Variants in CPNE1 observed in about 807,000 individuals in gnomAD.
The protein encoded by CPNE1 is copine 1.
CPNE1 carries 58 observed loss-of-function variants against 63.2 expected under a neutral mutation model. That is an observed-to-expected ratio of 0.92 (90% CI 0.74 to 1.14). The LOEUF (loss-of-function observed/expected upper bound fraction) is 1.14, where lower values mean the gene tolerates loss of function less well. Ranked by LOEUF, CPNE1 falls within the 50% of genes most tolerant of loss-of-function variation. The pLI is 0.00. For missense variants in CPNE1, 672 were observed against 661.7 expected (o/e 1.02, Z -0.17); for synonymous variants, 237 against 249.0 (o/e 0.95, Z 0.45).
At chr20:35,626,840 T>C in intron 14 of CPNE1, 37 bp from the exon 15 acceptor site, 1 of 1,548,002 alleles carries the variant, frequency 6.5e-7, no homozygotes, top group East Asian at 2.2e-5. Context: ...AAGCAGATCC[T>C]CCTCCTAAAC....
rs1568914566 is a variant in CPNE1, at chr20:35,632,918, G to A, written c.6C>T (p.Ala2=). The change falls in exon 2 of 16, where the codon GCC becomes GCT. Residue 2 remains alanine (A), a synonymous_variant. Transcript: ENST00000397443. M[A]HCVTLVQLSI... is the part of the protein sequence containing the mutation. ...ACAGCTGAACCAAGGTCACGCAGTG[G>A]GCCATCTGAGGGAAAAGGAGCTGGG... 1.1e-6 allele frequency: 1 copy of A among 871,700 alleles called. No individual in the cohort carries two copies. The highest frequency in any genetic ancestry group is 1.3e-5 in the South Asian group (1 of 76,348). The allele number at this position is 871,700 out of a possible 1,614,324, so 54.0% of individuals were successfully genotyped here. A position where few individuals can be genotyped will look rare whatever the true frequency, so the allele number is the denominator to read the frequency against.
In CPNE1 at chr20:35,631,502, T is replaced by C. The variant is rs762653844; in HGVS notation, c.704A>G (p.Gln235Arg). 7 of 1,613,928 alleles carry C rather than the reference T, an allele frequency of 4.3e-6. No homozygotes were observed. The South Asian group carries it at 6.6e-5, about 15-fold the overall frequency. ...AAGACCAGCACTCACCGGGACTGCC[T>C]GCAGCTGGGCCAAGCTGGTGTGGAA... is the stretch of plus-strand genomic sequence containing the variant. ...GTFHTSLAQL[Q>R]AVPAEFECIH... is the part of the protein sequence containing the mutation. Residue 235 changes from glutamine to arginine, a missense_variant, in exon 8 of 16, where the codon CAG becomes CGG. Gln to Arg is a conservative substitution (Grantham distance 43). Transcript: ENST00000397443.
rs747677512 is a variant in CPNE1, at chr20:35,632,603, G to A, written c.223C>T (p.Arg75Cys). The A allele has an allele frequency of 3.7e-6, 6 of 1,605,036 alleles. No homozygotes were observed. The highest frequency in any genetic ancestry group is 2.2e-5 in the South Asian group (2 of 90,904). Residue 75 changes from arginine to cysteine, a missense_variant, in exon 3 of 16, where the codon CGC becomes TGC. Transcript: ENST00000397443. The part of the protein sequence containing the change: ...EYRFETVQKL[R>C]FGIYDIDNKT... ...TTGTCTATGTCATAGATTCCAAAGCGTAGCTTCTGGACTGTCTCAAAGCGG... is the reference window on the plus strand; with the variant it reads ...TTGTCTATGTCATAGATTCCAAAGCATAGCTTCTGGACTGTCTCAAAGCGG...
chr20:35,627,163 G>A (rs999540491), intron 14 of CPNE1, 117 bp downstream of exon 14: 1 of 1,040,226 alleles, frequency 9.6e-7, no homozygotes, highest in Non-Finnish European at 1.3e-6. Context: ...ACTCCAGCCT[G>A]GGTGACAGAG....
chr20:35,655,759 T>C (rs967790454), intron 1 of CPNE1, among the ~76,000 whole-genome samples: 2 of 152,176 alleles, frequency 1.3e-5, no homozygotes, highest in African/African-American at 4.8e-5. Context: ...TAAAACTGGC[T>C]TAGCATCTTC....
At chr20:35,656,392 A>G (rs2033897879) in intron 1 of CPNE1, among the ~76,000 whole-genome samples, 1 of 152,330 alleles carries the variant, frequency 6.6e-6, no homozygotes, top group Admixed American at 6.5e-5. Context: ...TTTCAGTTCC[A>G]AAGGCTTCTA....
In CPNE1 at chr20:35,630,925, C is replaced by T. The variant is rs1326476856; in HGVS notation, c.971G>A (p.Gly324Asp). The change falls in exon 11 of 16, where the codon GGC becomes GAC. Residue 324 changes from glycine (G) to aspartate (D), a missense_variant. By Grantham distance (94) the Gly-to-Asp change is moderately conservative. Coordinates refer to ENST00000397443, the MANE Select transcript of CPNE1 (RefSeq NM_152925.3). ...NEYLMALWSVGSVVQDYDSDK... is the reference protein window; with the variant it reads ...NEYLMALWSVDSVVQDYDSDK... ...CGAGTCATAGTCCTGAACCACGCTG[C>T]CCACACTCCACAGTGCCATCAGGTA... 6.2e-7 allele frequency: 1 copy of T among 1,611,124 alleles called. No homozygotes were observed. Among genetic ancestry groups the T allele is most frequent in the Admixed American group, 1.7e-5 (1 of 59,852 alleles).
In CPNE1 at chr20:35,632,710, CCAGTAAGCATCA is replaced by C; in HGVS notation, c.130-26_130-15del. On this transcript the variant is annotated splice_polypyrimidine_tract_variant and intron_variant, in intron 2 of 15. Transcript: ENST00000397443. ...AGTCCGGCCAAGCTGTGGGCAGAGG[CCAGTAAGCATCA>C]CAGTCACAGCCTCCACCCCAAAACA... 1 of 913,570 alleles carries C rather than the reference CCAGTAAGCATCA, an allele frequency of 1.1e-6. No homozygotes were observed. Among genetic ancestry groups the C allele is most frequent in the Non-Finnish European group, 1.9e-6 (1 of 539,084 alleles). The allele number at this position is 913,570 out of a possible 1,614,324, so 56.6% of individuals were successfully genotyped here.
At chr20:35,650,374 T>C (rs1203506839) in intron 1 of CPNE1, 3 of 152,360 alleles carry the variant, frequency 2.0e-5, no homozygotes, top group African/African-American at 7.2e-5. Flanking sequence ...ATAACCAAAA[T>C]AAATTGTGAA....
intron 13 of CPNE1, among the ~76,000 whole-genome samples, chr20:35,628,883 T>C (rs2031938454): frequency 6.6e-6 from 1 of 152,186 alleles, no homozygotes; most frequent in South Asian, 2.1e-4. Flanking sequence ...GATACTGAAG[T>C]ACTCAGAGGT....
In CPNE1 at chr20:35,626,745, C is replaced by T. The variant is rs759991229; in HGVS notation, c.1295G>A (p.Arg432His). 12 of 1,614,068 alleles carry T rather than the reference C, an allele frequency of 7.4e-6. No individual in the cohort carries two copies. Among genetic ancestry groups the T allele is most frequent in the African/African-American group, 2.7e-5 (2 of 74,912 alleles). The change falls in exon 15 of 16, where the codon CGT becomes CAT. Residue 432 changes from arginine to histidine, a missense_variant. By Grantham distance (29) the Arg-to-His change is conservative (BLOSUM62 0). Transcript: ENST00000397443. ...GTTCGAGGCACGCACCACAGCCTCA[C>T]GTGTGGCTTCCACATCCGTCACAGC... ...DGAVTDVEAT[R>H]EAVVRASNLP...
chr20:35,628,860 T>A (rs898664263), intron 13 of CPNE1, among the ~76,000 whole-genome samples: 1 of 152,236 alleles, frequency 6.6e-6, no homozygotes, highest in Non-Finnish European at 1.5e-5. Context: ...AGAAAGAGTC[T>A]TTGATTTTAG....
intron 1 of CPNE1, among the ~76,000 whole-genome samples, chr20:35,638,412 C>A (rs1327071593): frequency 6.6e-6 from 1 of 152,106 alleles, no homozygotes; most frequent in Non-Finnish European, 1.5e-5. Flanking sequence ...TGATCCACAG[C>A]GTTAATTATC....
chr20:35,655,310 T>C, intron 1 of CPNE1: 1 of 1,608,664 alleles, frequency 6.2e-7, no homozygotes, highest in Non-Finnish European at 8.5e-7. Context: ...TGCAAACGGA[T>C]GACCACAGCC....
At chr20:35,649,244 T>C (rs1349352026) in intron 1 of CPNE1, 3 of 152,228 alleles carry the variant, frequency 2.0e-5, no homozygotes, top group Non-Finnish European at 4.4e-5. Flanking sequence ...TCTTTACTCA[T>C]TTCCCGAGTG....
intron 5 of CPNE1, 34 bp from the exon 6 acceptor site, chr20:35,632,059 G>T (rs530990217): frequency 7.5e-6 from 12 of 1,601,742 alleles, no homozygotes; most frequent in Non-Finnish European, 1.0e-5. Context: ...CAAGACTCAG[G>T]AACAAACAAC....
At chr20:35,644,239 G>T (rs978089460) in intron 1 of CPNE1, among the ~76,000 whole-genome samples, 3 of 152,032 alleles carry the variant, frequency 2.0e-5, no homozygotes, top group Admixed American at 2.0e-4. Context: ...ACTCCTTCTT[G>T]GTTAATTGGA....
intron 1 of CPNE1, chr20:35,655,268 T>C (rs376426544): frequency 1.6e-5 from 26 of 1,612,140 alleles, no homozygotes; most frequent in Non-Finnish European, 2.0e-5. Context: ...AAGTGGCGAA[T>C]GTCCATGGTC....
At chr20:35,642,440 G>T (rs1439875075) in intron 1 of CPNE1, among the ~76,000 whole-genome samples, 1 of 152,188 alleles carries the variant, frequency 6.6e-6, no homozygotes, top group Non-Finnish European at 1.5e-5. Context: ...TGGCATGCTG[G>T]ATCAGCTCAC....
Sources: gnomAD v4.1 joint callset for allele counts (sites outside exome capture counted in the v4.1 genomes callset) on GRCh38, gnomAD v4.1.1 for gene constraint, MANE v1.5 for transcripts, NCBI Gene and HGNC (gene_info 2026-07-23, HGNC 2026-07-21) for gene names.